TMEM132B: variants seen among roughly 807,000 people sequenced by gnomAD.
TMEM132B encodes transmembrane protein 132B.
A neutral mutation model predicts 90.8 loss-of-function variants in TMEM132B; 18 were observed. The ratio of observed to expected loss-of-function variants is 0.20; its 90% confidence interval spans 0.14 to 0.29. The LOEUF is 0.29. Ranked by LOEUF, TMEM132B falls within the 10% of genes least tolerant of loss-of-function variation. The probability of loss-of-function intolerance (pLI) is 1.00; values close to 1 mark genes in which losing one functional copy is unlikely to be tolerated. For synonymous variants in TMEM132B, 504 were observed against 523.3 expected (o/e 0.96, Z 0.50); for missense variants, 1,096 against 1,326.8 (o/e 0.83, Z 2.70).
At chr12:125,320,520 A>G (rs2136189487) in intron 1 of TMEM132B, among the ~76,000 whole-genome samples, 1 of 152,244 alleles carries the variant, frequency 6.6e-6, no homozygotes, top group East Asian at 1.9e-4. Flanking sequence ...AGAGGACATT[A>G]GGGGTTCCTG....
At chr12:125,481,168 C>T (rs1396980587) in intron 3 of TMEM132B, among the ~76,000 whole-genome samples, 1 of 152,194 alleles carries the variant, frequency 6.6e-6, no homozygotes, top group Non-Finnish European at 1.5e-5. Flanking sequence ...ATAGGCAAAA[C>T]TGGAAGCATT....
At chr12:125,188,927 G>A (rs1333402044) in intron 1 of TMEM132B, among the ~76,000 whole-genome samples, 1 of 151,718 alleles carries the variant, frequency 6.6e-6, no homozygotes, top group Non-Finnish European at 1.5e-5. Context: ...GTTTTGAGAG[G>A]TTCAGAGGAA....
At chr12:125,622,920 C>T (rs1465442414) in intron 5 of TMEM132B, among the ~76,000 whole-genome samples, 14 of 152,142 alleles carry the variant, frequency 9.2e-5, no homozygotes. Flanking sequence ...AAAACACAAG[C>T]CCTGCAGTTC....
intron 4 of TMEM132B, among the ~76,000 whole-genome samples, chr12:125,557,734 C>G (rs943609288): frequency 1.3e-5 from 2 of 152,072 alleles, no homozygotes; most frequent in Non-Finnish European, 2.9e-5. Context: ...ATAAGATAGT[C>G]TCCGAGACTG....
Position 125,498,120 on chromosome 12 carries a change from A to G in TMEM132B, c.1107-21319A>G, listed in dbSNP as rs1258116643. On this transcript the variant is annotated intron_variant, in intron 3 of 8. Coordinates refer to ENST00000682704, the MANE Select transcript of TMEM132B (RefSeq NM_001366854.1). This position sits in a 1 kb window ranked among gnomAD's most constrained non-coding sequence, Gnocchi z 4.5. ...CTGCTTTATTTACCACTCACTGGCC[A>G]AAATTGATCCACATGACCCTACAAG... Among the ~76,000 whole-genome samples the G allele has an allele frequency of 6.6e-6, 1 of 152,204 alleles. No homozygotes were observed. The highest frequency in any genetic ancestry group is 1.5e-5 in the Non-Finnish European group (1 of 68,030).
Position 125,513,822 on chromosome 12 carries a change from G to C in TMEM132B, c.1107-5617G>C, listed in dbSNP as rs542656988. ...TGTATTTTTTTAATTTTTAAAAATT[G>C]AAGAATTTTGTTTAATTCTTAAAAC... On this transcript the variant is annotated intron_variant, in intron 3 of 8. Coordinates refer to ENST00000682704, the MANE Select transcript of TMEM132B (RefSeq NM_001366854.1). Among the ~76,000 whole-genome samples, 5 of 152,130 alleles carry C rather than the reference G, an allele frequency of 3.3e-5. No homozygotes were observed. In the East Asian group the frequency reaches 9.7e-4, roughly 29 times the overall value.
Position 125,654,838 on chromosome 12 carries a change from C to T in TMEM132B, c.*128C>T. 1.7e-6 allele frequency: 2 copies of T among 1,147,914 alleles called. No homozygotes were observed. Among genetic ancestry groups the T allele is most frequent in the Non-Finnish European group, 2.4e-6 (2 of 825,026 alleles). 71.1% of individuals were successfully genotyped at this position (1,147,914 alleles called of 1,614,324 possible). On this transcript the variant is annotated 3_prime_UTR_variant, in exon 9 of 9. Transcript: ENST00000682704. This position sits in a 1 kb window ranked among gnomAD's most constrained non-coding sequence, Gnocchi z 5.8. ...TGTGGAGGTCTGGTGGGATTCATTT[C>T]TAAGCAGGTAAAAGAGGTTTGGAGA...
In TMEM132B at chr12:125,498,264, G is replaced by C. The variant is rs1384132740; in HGVS notation, c.1107-21175G>C. ...AGTAAAGGATGATTTAATTTACATG[G>C]GAATGCTGAGTTGATGGCTAGGTGT... is the stretch of plus-strand genomic sequence containing the variant. On this transcript the variant is annotated intron_variant, in intron 3 of 8. Transcript: ENST00000682704. This position sits in a 1 kb window ranked among gnomAD's most constrained non-coding sequence, Gnocchi z 4.5. 1.3e-5 allele frequency among the ~76,000 whole-genome samples: 2 copies of C among 152,182 alleles called. No homozygotes were observed. The highest frequency in any genetic ancestry group is 4.8e-5 in the African/African-American group (2 of 41,432).
chr12:125,432,479 A>G (rs1322948089), intron 3 of TMEM132B, among the ~76,000 whole-genome samples: 2 of 86,628 alleles, frequency 2.3e-5, no homozygotes, highest in Non-Finnish European at 4.2e-5. Context: ...ATGTATGTGT[A>G]TATATATGTA....
At chr12:125,195,959 A>G (rs1872915703) in intron 1 of TMEM132B, among the ~76,000 whole-genome samples, 1 of 152,130 alleles carries the variant, frequency 6.6e-6, no homozygotes, top group African/African-American at 2.4e-5. Flanking sequence ...TGAAAGTTCT[A>G]ACCAAACTAG....
In TMEM132B at chr12:125,541,990, A is replaced by G. The variant is rs188989943; in HGVS notation, c.1293+22365A>G. ...CAGTGAGCTGAGATCGCACCACTACACTTCAGCCTGGGCGACAGAGCAAAA... is the reference window on the plus strand; with the variant it reads ...CAGTGAGCTGAGATCGCACCACTACGCTTCAGCCTGGGCGACAGAGCAAAA... On this transcript the variant is annotated intron_variant, in intron 4 of 8. Coordinates refer to ENST00000682704, the MANE Select transcript of TMEM132B (RefSeq NM_001366854.1). Among the ~76,000 whole-genome samples the G allele has an allele frequency of 1.3e-4, 18 of 140,030 alleles. No homozygotes were observed. In the East Asian group the frequency reaches 4.0e-3, roughly 31 times the overall value. 91.9% of individuals were successfully genotyped at this position (140,030 alleles called of 152,430 possible).
chr12:125,584,679 CTA>C (rs1472500687), intron 5 of TMEM132B: 1 of 152,266 alleles, frequency 6.6e-6, no homozygotes, highest in Non-Finnish European at 1.5e-5. Context: ...CTCAAATTAG[CTA>C]TGTTTCTGAC....
chr12:125,415,731 G>T lies in TMEM132B; in HGVS notation c.1106+54G>T. 2 of 1,590,964 alleles carry T rather than the reference G, an allele frequency of 1.3e-6. No individual in the cohort carries two copies. Among genetic ancestry groups the T allele is most frequent in the Non-Finnish European group, 1.7e-6 (2 of 1,168,502 alleles). ...CGCAGTGGGGAGGAGGGGAGTGGCTGCCAGAGCTGATAGCAAAATAATGTG... is the reference window on the plus strand; with the variant it reads ...CGCAGTGGGGAGGAGGGGAGTGGCTTCCAGAGCTGATAGCAAAATAATGTG... On this transcript the variant is annotated intron_variant, in intron 3 of 8. Coordinates refer to ENST00000682704, the MANE Select transcript of TMEM132B (RefSeq NM_001366854.1). The surrounding 1 kb of genome is among the most constrained non-coding windows in gnomAD (Gnocchi z 5.3).
chr12:125,532,416 G>C (rs1008872971), intron 4 of TMEM132B, among the ~76,000 whole-genome samples: 1 of 152,144 alleles, frequency 6.6e-6, no homozygotes, highest in Non-Finnish European at 1.5e-5. Flanking sequence ...TGTCCTGCTT[G>C]TTGGGTGAGC....
intron 2 of TMEM132B, among the ~76,000 whole-genome samples, chr12:125,384,699 G>A (rs76952193): frequency 0.063 from 9,648 of 152,164 alleles, 961 homozygotes; most frequent in African/African-American, 0.21. Context: ...CGCTCAGGCT[G>A]GAGTGCGGCA....
At position 125,246,617 on chromosome 12, in the gene TMEM132B, G is replaced by A. The variant is rs1427602654; in HGVS notation, c.67+59751G>A. ...AAGTTCAGCGTCTCCAGCACACACA[G>A]TGCCATTTAAAGAGGAAGCCCTGGT... is the stretch of plus-strand genomic sequence containing the variant. On this transcript the variant is annotated intron_variant, in intron 1 of 8. Transcript: ENST00000682704. This position sits in a 1 kb window ranked among gnomAD's most constrained non-coding sequence, Gnocchi z 4.2. Among the ~76,000 whole-genome samples the A allele has an allele frequency of 1.3e-5, 2 of 152,210 alleles. No homozygotes were observed. The highest frequency in any genetic ancestry group is 2.9e-5 in the Non-Finnish European group (2 of 68,046).
intron 3 of TMEM132B, among the ~76,000 whole-genome samples, chr12:125,443,481 G>A (rs1202143325): frequency 6.6e-6 from 1 of 152,160 alleles, no homozygotes; most frequent in African/African-American, 2.4e-5. Flanking sequence ...CTGTGATTAT[G>A]TGTTAGTCCC....
chr12:125,270,969 G>C (rs561778120), intron 1 of TMEM132B, among the ~76,000 whole-genome samples: 2 of 148,846 alleles, frequency 1.3e-5, no homozygotes, highest in South Asian at 2.2e-4. Flanking sequence ...TTTCCCGAAA[G>C]AGATAGGGCC....
chr12:125,509,557 T>C (rs1361014496), intron 3 of TMEM132B, among the ~76,000 whole-genome samples: 1 of 152,182 alleles, frequency 6.6e-6, no homozygotes, highest in Non-Finnish European at 1.5e-5. Context: ...CACTTTTTCA[T>C]GCCTGTAGGT....
Sources: allele counts gnomAD v4.1 joint callset (sites outside exome capture counted in the v4.1 genomes callset), GRCh38; gene constraint gnomAD v4.1.1; non-coding constraint Gnocchi (gnomAD v3.1); transcripts MANE v1.5; gene names NCBI Gene and HGNC (gene_info 2026-07-23, HGNC 2026-07-21).